The following COL4A6 variants were observed in gnomAD, a reference collection of about 807,000 sequenced individuals.
COL4A6 encodes the protein collagen alpha-6(IV) chain.
Under a neutral mutation model 126.7 loss-of-function variants are expected in COL4A6, and 59 were observed. The ratio of observed to expected loss-of-function variants is 0.47; its 90% CI spans 0.38 to 0.58. COL4A6 has a LOEUF of 0.58. Among genes scored for constraint, COL4A6 ranks in the 20% least tolerant of loss-of-function variants. The pLI, the probability that COL4A6 is intolerant of heterozygous loss-of-function variation, is 0.00. For missense variants in COL4A6, 1,285 were observed against 1,337.3 expected (o/e 0.96, Z 0.61); for synonymous variants, 547 against 496.6 (o/e 1.10, Z -1.35).
At chrX:108,237,172 C>T (rs182462877) in intron 3 of COL4A6, among the ~76,000 whole-genome samples, 4 of 111,987 alleles carry the variant, frequency 3.6e-5, no homozygotes, top group African/African-American at 1.3e-4. Context: ...GGAGTTATCT[C>T]TGTGTCCAGT....
chrX:108,272,102 C>G (rs1196015691), intron 3 of COL4A6, among the ~76,000 whole-genome samples: 1 of 111,292 alleles, frequency 9.0e-6, no homozygotes, highest in African/African-American at 3.3e-5. Context: ...TTTTTCAGGT[C>G]CATCTCCAGA....
At chrX:108,279,799 G>C (rs1260208986) in intron 3 of COL4A6, among the ~76,000 whole-genome samples, 1 of 111,905 alleles carries the variant, frequency 8.9e-6, no homozygotes, top group Admixed American at 9.5e-5. Context: ...CTATCTCTCA[G>C]ACCACAGTGC....
chrX:108,161,550 C>T (rs899406784), intron 42 of COL4A6, 69 bp downstream of exon 42: 33 of 661,829 alleles, frequency 5.0e-5, no homozygotes, highest in African/African-American at 4.7e-4. Context: ...GTTTTACTCA[C>T]CCCCAGCCTC....
At chrX:108,244,104 T>C (rs770669610) in intron 3 of COL4A6, among the ~76,000 whole-genome samples, 1 of 84,968 alleles carries the variant, frequency 1.2e-5, no homozygotes, top group East Asian at 3.2e-4. Context: ...TTCAGGTATG[T>C]TCACCAATTT....
intron 37 of COL4A6, among the ~76,000 whole-genome samples, chrX:108,165,909 C>T (rs917028553): frequency 2.7e-5 from 3 of 112,743 alleles, no homozygotes; most frequent in Non-Finnish European, 5.6e-5. Flanking sequence ...GGTTACAGAA[C>T]GTAGGCCACA....
intron 3 of COL4A6, among the ~76,000 whole-genome samples, chrX:108,287,204 T>C (rs187288266): frequency 3.6e-5 from 4 of 112,435 alleles, no homozygotes; most frequent in Admixed American, 2.8e-4. Context: ...CCAAAAGTTA[T>C]AATAACTGTT....
chrX:108,219,618 T>C, intron 5 of COL4A6, 80 bp downstream of exon 5: 1 of 867,752 alleles, frequency 1.2e-6, no homozygotes, highest in Non-Finnish European at 1.7e-6. Flanking sequence ...TGAGACAGGA[T>C]GTTGCTGAGG....
At chrX:108,279,896 G>A (rs949502715) in intron 3 of COL4A6, among the ~76,000 whole-genome samples, 4 of 111,363 alleles carry the variant, frequency 3.6e-5, no homozygotes, top group African/African-American at 1.3e-4. Context: ...AATGACTTCT[G>A]GGTACACAAC....
chrX:108,210,802 T>A (rs1317763111), intron 7 of COL4A6, among the ~76,000 whole-genome samples: 2 of 111,656 alleles, frequency 1.8e-5, no homozygotes, highest in Non-Finnish European at 3.8e-5. Flanking sequence ...CCTTTCCAAC[T>A]CAAACATTCT....
At chrX:108,213,406 G>A in intron 6 of COL4A6, among the ~76,000 whole-genome samples, 1 of 112,008 alleles carries the variant, frequency 8.9e-6, no homozygotes, top group East Asian at 2.8e-4. Context: ...AAATATCTGA[G>A]CCCTATCTGG....
At chrX:108,174,960 G>A in intron 30 of COL4A6, 130 bp downstream of exon 30, 1 of 896,479 alleles carries the variant, frequency 1.1e-6, no homozygotes, top group African/African-American at 2.0e-5. Flanking sequence ...ATTCCTTGCT[G>A]CCAGCCACAC....
At chrX:108,427,053 T>A (rs1231794253) in intron 2 of COL4A6, among the ~76,000 whole-genome samples, 3 of 111,679 alleles carry the variant, frequency 2.7e-5, no homozygotes, top group Non-Finnish European at 5.6e-5. Context: ...GTATAAAGGG[T>A]TTGTTAGAGA....
intron 36 of COL4A6, 131 bp downstream of exon 36, chrX:108,169,814 A>G: frequency 1.2e-6 from 1 of 822,576 alleles, no homozygotes; most frequent in East Asian, 3.5e-5. Context: ...GGGACCTCAA[A>G]TTGGAGGTTA....
At chrX:108,174,966 C>T in intron 30 of COL4A6, 124 bp downstream of exon 30, 1 of 918,124 alleles carries the variant, frequency 1.1e-6, no homozygotes, top group Non-Finnish European at 1.5e-6. Flanking sequence ...TGCTGCCAGC[C>T]ACACTGCTGC....
rs1228131756 is a variant in COL4A6 at position 108,169,618 on chromosome X, G to A, written c.3568C>T (p.Pro1190Ser). ...GGCCCAGGCACACCGGTGATACTAGGTCCTAGGAGGAGATGCAGGGGTAGG... is the reference window on the plus strand; with the variant it reads ...GGCCCAGGCACACCGGTGATACTAGATCCTAGGAGGAGATGCAGGGGTAGG... ...GTKGTHGTPGPSITGVPGPAG... is the reference protein window; with the variant it reads ...GTKGTHGTPGSSITGVPGPAG... The change falls in exon 37 of 45, where the codon CCT becomes TCT. Residue 1190 changes from proline to serine, a missense_variant and splice_region_variant. Coordinates refer to ENST00000334504, the MANE Select transcript of COL4A6 (RefSeq NM_033641.4). The A allele has an allele frequency of 2.5e-6, 3 of 1,207,847 alleles. No homozygotes were observed. The Admixed American group carries it at 6.6e-5, about 26-fold the overall frequency.
chrX:108,273,954 T>C (rs5973855), intron 3 of COL4A6, among the ~76,000 whole-genome samples: 236 of 112,415 alleles, frequency 2.1e-3, no homozygotes, highest in African/African-American at 7.2e-3. Flanking sequence ...TCATGTGTAC[T>C]AGTTTTCTAT....
chrX:108,314,092 G>T (rs1279916923), intron 2 of COL4A6, among the ~76,000 whole-genome samples: 7 of 111,818 alleles, frequency 6.3e-5, no homozygotes, highest in Admixed American at 5.7e-4. Flanking sequence ...TCATCTCCAT[G>T]AATATCCAGA....
At position 108,394,518 on chromosome X, in the gene COL4A6, T is replaced by G. The variant is rs182550552; in HGVS notation, c.63+43424A>C. ...ATAAAAAGATGGGAGGGGTATCTTT[T>G]GTAAATACTAATCACAAAAAAAGCT... On this transcript the variant is annotated intron_variant, in intron 2 of 44. Transcript: ENST00000334504. Among the ~76,000 whole-genome samples the G allele has an allele frequency of 6.0e-3, 670 of 112,054 alleles. 2 individuals are homozygous for G. The highest frequency in any genetic ancestry group is 0.035 in the East Asian group (125 of 3,564).
At chrX:108,410,072 GA>G (rs750939325) in intron 2 of COL4A6, among the ~76,000 whole-genome samples, 1 of 111,765 alleles carries the variant, frequency 8.9e-6, no homozygotes, top group South Asian at 3.8e-4. Flanking sequence ...TTTGGAAAGT[GA>G]TCAGTATGTT....
Sources: gnomAD v4.1 joint callset for allele counts (sites outside exome capture counted in the v4.1 genomes callset) on GRCh38, gnomAD v4.1.1 for gene constraint, MANE v1.5 for transcripts, NCBI Gene and HGNC (gene_info 2026-07-23, HGNC 2026-07-21) for gene names.